Variants in CDC14B observed in about 807,000 individuals in gnomAD.
CDC14B encodes dual specificity protein phosphatase CDC14B.
Under a neutral mutation model 64.2 loss-of-function variants are expected in CDC14B, and 22 were observed. The ratio of observed to expected loss-of-function variants is 0.34; its 90% confidence interval spans 0.24 to 0.49. The LOEUF (loss-of-function observed/expected upper bound fraction) is 0.49. Ranked by LOEUF, CDC14B falls within the 20% of genes least tolerant of loss-of-function variation. CDC14B has a pLI of 0.99. For synonymous variants in CDC14B, 191 were observed against 215.8 expected (o/e 0.89, Z 1.01); for missense variants, 498 against 629.9 (o/e 0.79, Z 2.24).
At chr9:96,545,406 C>G (rs1409706558) in intron 5 of CDC14B, among the ~76,000 whole-genome samples, 1 of 151,580 alleles carries the variant, frequency 6.6e-6, no homozygotes, top group African/African-American at 2.4e-5. Flanking sequence ...TAAGCTCCAC[C>G]TCCTGGGTTC....
At chr9:96,559,764 C>A (rs1337021028) in intron 4 of CDC14B, among the ~76,000 whole-genome samples, 3 of 152,114 alleles carry the variant, frequency 2.0e-5, no homozygotes, top group South Asian at 4.1e-4. Context: ...GTAATAAATG[C>A]GAGTGAAGAT....
intron 12 of CDC14B, among the ~76,000 whole-genome samples, chr9:96,519,141 T>TA (rs1371101335): frequency 1.3e-5 from 2 of 151,700 alleles, no homozygotes; most frequent in African/African-American, 2.4e-5. Flanking sequence ...GTCTCAAAAA[T>TA]AAAAATAAAA....
At chr9:96,529,873 C>G (rs187399539) in intron 9 of CDC14B, among the ~76,000 whole-genome samples, 21 of 152,218 alleles carry the variant, frequency 1.4e-4, no homozygotes, top group Admixed American at 1.1e-3. Context: ...TTTGGCATCC[C>G]TTGAGATTCC....
chr9:96,537,707 T>C (rs2131799148), intron 7 of CDC14B, among the ~76,000 whole-genome samples: 1 of 152,304 alleles, frequency 6.6e-6, no homozygotes, highest in East Asian at 1.9e-4. Flanking sequence ...GGACTTTTAA[T>C]TTATGTAATC....
intron 12 of CDC14B, chr9:96,514,416 G>A (rs1554738696): frequency 1.0e-6 from 1 of 985,120 alleles, no homozygotes; most frequent in Non-Finnish European, 1.2e-6. Context: ...ATCTATCTCA[G>A]AAATACAGCA....
At chr9:96,546,913 T>C (rs1840981590) in intron 5 of CDC14B, among the ~76,000 whole-genome samples, 1 of 151,788 alleles carries the variant, frequency 6.6e-6, no homozygotes, top group Admixed American at 6.6e-5. Flanking sequence ...ATACAAAAAA[T>C]TAGCTGGGCG....
chr9:96,502,773 G>T lies in CDC14B; in HGVS notation c.*980C>A. ...CAGATCATTGTCACTGAGATCGCAG[G>T]CCACGTCAATGGCCTTAGGTGGATC... On this transcript the variant is annotated 3_prime_UTR_variant, in exon 14 of 14. Coordinates refer to ENST00000375241, the MANE Select transcript of CDC14B (RefSeq NM_033331.4). 2.5e-6 allele frequency: 1 copy of T among 397,870 alleles called. No individual in the cohort carries two copies. The highest frequency in any genetic ancestry group is 4.4e-6 in the Non-Finnish European group (1 of 225,644). 24.6% of individuals were successfully genotyped at this position (397,870 alleles called of 1,614,324 possible).
rs1197874891 is a variant in CDC14B at position 96,522,396 on chromosome 9, T to G, written c.1343+110A>C. ...AATAACATAGGCAAGCATTTCAAAGTGGCATCATGGGCTTGCAACTATGGA... is the reference window on the plus strand; with the variant it reads ...AATAACATAGGCAAGCATTTCAAAGGGGCATCATGGGCTTGCAACTATGGA... On this transcript the variant is annotated intron_variant, in intron 12 of 13. Transcript: ENST00000375241. 9.2e-6 allele frequency: 7 copies of G among 759,820 alleles called. No homozygotes were observed. In the East Asian group the frequency reaches 1.7e-4, roughly 19 times the overall value. 47.1% of individuals were successfully genotyped at this position (759,820 alleles called of 1,614,324 possible). A position where few individuals can be genotyped will look rare whatever the true frequency, so the allele number is the denominator to read the frequency against.
At chr9:96,595,788 T>A (rs1039151400) in intron 1 of CDC14B, among the ~76,000 whole-genome samples, 4 of 152,178 alleles carry the variant, frequency 2.6e-5, no homozygotes, top group Non-Finnish European at 5.9e-5. Context: ...GATTCGTAGT[T>A]GCGCCTGGCT....
At chr9:96,521,272 T>A (rs1338709611) in intron 12 of CDC14B, among the ~76,000 whole-genome samples, 1 of 151,922 alleles carries the variant, frequency 6.6e-6, no homozygotes, top group Non-Finnish European at 1.5e-5. Flanking sequence ...AGAGACGGGG[T>A]TTCACCATAT....
rs79431845 is a variant in CDC14B at position 96,596,863 on chromosome 9, T to TA, written c.160+22355dup. 3.3e-3 allele frequency among the ~76,000 whole-genome samples: 432 copies of TA among 132,534 alleles called. 4 individuals carry two copies. The highest frequency in any genetic ancestry group is 4.1e-3 in the Admixed American group (54 of 13,138). The allele number at this position is 132,534 out of a possible 152,430, so 86.9% of individuals were successfully genotyped here. The stretch of plus-strand genomic sequence containing the variant: ...GGCAGATGGAGACCTTCTCTATCTT[T>TA]AAAAAAAAAAAAAAAAGTGTAAGAG... On this transcript the variant is annotated intron_variant, in intron 1 of 13. Transcript: ENST00000375241.
intron 4 of CDC14B, among the ~76,000 whole-genome samples, chr9:96,553,640 C>T (rs1842121289): frequency 6.6e-6 from 1 of 151,962 alleles, no homozygotes; most frequent in Non-Finnish European, 1.5e-5. Flanking sequence ...GGATTACAGA[C>T]ATGAGCCACC....
At chr9:96,601,715 C>A (rs933967604) in intron 1 of CDC14B, among the ~76,000 whole-genome samples, 1 of 150,628 alleles carries the variant, frequency 6.6e-6, no homozygotes, top group South Asian at 2.1e-4. Context: ...ATCACTTGAA[C>A]CCAGGAGGTG....
chr9:96,499,001 C>G (rs1293782928), downstream of CDC14B, among the ~76,000 whole-genome samples: 1 of 152,208 alleles, frequency 6.6e-6, no homozygotes, highest in Admixed American at 6.5e-5. Context: ...GGTTTCATCT[C>G]AAACAATGCC....
chr9:96,560,117 T>C (rs1488107774), intron 4 of CDC14B, among the ~76,000 whole-genome samples: 2 of 152,230 alleles, frequency 1.3e-5, no homozygotes, highest in African/African-American at 4.8e-5. Context: ...ACTATGCCCA[T>C]AGCCACCTTC....
intron 4 of CDC14B, among the ~76,000 whole-genome samples, chr9:96,552,353 C>T (rs757936180): frequency 6.6e-6 from 1 of 152,222 alleles, no homozygotes; most frequent in Non-Finnish European, 1.5e-5. Flanking sequence ...AGTTGATTAT[C>T]AAACTGCACT....
Position 96,523,285 on chromosome 9 carries a change from A to G in CDC14B, c.1221T>C (p.Asn407=). 1 of 1,614,056 alleles carries G rather than the reference A, an allele frequency of 6.2e-7. No homozygotes were observed. Among genetic ancestry groups the G allele is most frequent in the Non-Finnish European group, 8.5e-7 (1 of 1,179,986 alleles). The part of the protein sequence containing the change: ...VDDISINGVE[N]QDQQEPEPYS... ...CCGGTTCGGGTTCTTGCTGATCTTG[A>G]TTCTCGACCCCATTTATGGAAATGT... The change falls in exon 11 of 14, where the codon AAT becomes AAC. Residue 407 remains asparagine (N), a synonymous_variant. Transcript: ENST00000375241.
At chr9:96,506,761 C>CA (rs1466064570) in intron 13 of CDC14B, among the ~76,000 whole-genome samples, 1 of 152,190 alleles carries the variant, frequency 6.6e-6, no homozygotes, top group Non-Finnish European at 1.5e-5. Context: ...ATGCTTGCTG[C>CA]AACCAGGAAC....
intron 5 of CDC14B, among the ~76,000 whole-genome samples, chr9:96,549,503 A>G (rs1159018229): frequency 6.6e-6 from 1 of 152,012 alleles, no homozygotes; most frequent in East Asian, 1.9e-4. Context: ...ATTCTCTACT[A>G]AAAATACAAA....
Sources: gnomAD v4.1 joint callset for allele counts (sites outside exome capture counted in the v4.1 genomes callset) on GRCh38, gnomAD v4.1.1 for gene constraint, MANE v1.5 for transcripts, NCBI Gene and HGNC (gene_info 2026-07-23, HGNC 2026-07-21) for gene names.